The following CAB39L variants were observed in gnomAD, a reference collection of about 807,000 sequenced individuals.
CAB39L encodes the protein calcium-binding protein 39-like.
CAB39L carries 23 observed loss-of-function variants against 39.1 expected under a neutral mutation model. The ratio of observed to expected loss-of-function variants is 0.59; its 90% confidence interval spans 0.42 to 0.83. The LOEUF is 0.83. Among genes scored for constraint, CAB39L ranks in the 40% least tolerant of loss-of-function variants. The pLI, the probability that CAB39L is intolerant of heterozygous loss-of-function variation, is 0.00. For synonymous variants in CAB39L, 126 were observed against 137.2 expected, an observed-to-expected ratio of 0.92 and a Z score of 0.57; for missense variants, 366 against 391.9, an observed-to-expected ratio of 0.93 and a Z score of 0.56.
chr13:49,378,578 G>A (rs1358909129), intron 4 of CAB39L, among the ~76,000 whole-genome samples: 2 of 75,736 alleles, frequency 2.6e-5, no homozygotes, highest in Non-Finnish European at 2.7e-5. Flanking sequence ...CCCCGTCCGG[G>A]AGGGAGGTGG....
chr13:49,374,643 A>T (rs1956009261), intron 5 of CAB39L, among the ~76,000 whole-genome samples: 2 of 152,216 alleles, frequency 1.3e-5, no homozygotes, highest in Admixed American at 6.5e-5. Flanking sequence ...AGCCAATGCC[A>T]AAGAAAGTTA....
chr13:49,429,166 G>T (rs1293589788), intron 3 of CAB39L, among the ~76,000 whole-genome samples: 2 of 152,148 alleles, frequency 1.3e-5, no homozygotes, highest in Non-Finnish European at 2.9e-5. Flanking sequence ...TATGACCATA[G>T]CTCACTGCAG....
intron 5 of CAB39L, among the ~76,000 whole-genome samples, chr13:49,364,140 T>A (rs1043263084): frequency 2.0e-5 from 3 of 152,200 alleles, no homozygotes; most frequent in African/African-American, 7.2e-5. Context: ...TAAATATATA[T>A]GCACCAAACA....
intron 10 of CAB39L, among the ~76,000 whole-genome samples, chr13:49,327,610 C>T (rs1263162617): frequency 6.6e-6 from 1 of 152,184 alleles, no homozygotes; most frequent in East Asian, 1.9e-4. Flanking sequence ...GGATTCCATG[C>T]ATGTTTTTGG....
At chr13:49,396,097 C>CAAAAAAAGAAAA (rs561405018) in intron 3 of CAB39L, among the ~76,000 whole-genome samples, 1 of 123,514 alleles carries the variant, frequency 8.1e-6, no homozygotes, top group Non-Finnish European at 1.7e-5. Flanking sequence ...GACTCTGTCT[C>CAAAAAAAGAAAA]AAAAAAAAAA....
intron 1 of CAB39L, among the ~76,000 whole-genome samples, chr13:49,442,580 T>C (rs1413363758): frequency 6.6e-6 from 1 of 151,932 alleles, no homozygotes; most frequent in Non-Finnish European, 1.5e-5. Context: ...TCATCTAAAG[T>C]CAGGAGTTCA....
chr13:49,345,413 A>G (rs1446425655), intron 7 of CAB39L, among the ~76,000 whole-genome samples: 1 of 152,180 alleles, frequency 6.6e-6, no homozygotes. Flanking sequence ...CACTGGGCCT[A>G]TCAGTGGAAA....
At chr13:49,384,071 T>A (rs1956303897) in intron 3 of CAB39L, among the ~76,000 whole-genome samples, 1 of 152,238 alleles carries the variant, frequency 6.6e-6, no homozygotes, top group Non-Finnish European at 1.5e-5. Flanking sequence ...TAGCATGTGA[T>A]GCAGTTTGTT....
At chr13:49,434,562 A>C (rs1957378285) in intron 1 of CAB39L, among the ~76,000 whole-genome samples, 1 of 152,140 alleles carries the variant, frequency 6.6e-6, no homozygotes, top group African/African-American at 2.4e-5. Context: ...TTTGTCCAAC[A>C]ACTATCAACA....
chr13:49,371,368 T>C (rs1955913569), intron 5 of CAB39L, among the ~76,000 whole-genome samples: 2 of 152,136 alleles, frequency 1.3e-5, no homozygotes, highest in South Asian at 4.1e-4. Flanking sequence ...TTTTGTATTT[T>C]TAGTACAGAT....
intron 1 of CAB39L, among the ~76,000 whole-genome samples, chr13:49,436,711 T>C (rs895376230): frequency 6.6e-6 from 1 of 151,938 alleles, no homozygotes; most frequent in African/African-American, 2.4e-5. Context: ...GATTTTTCTT[T>C]TGATTTATTT....
intron 4 of CAB39L, among the ~76,000 whole-genome samples, chr13:49,380,628 C>T (rs1956234200): frequency 6.6e-6 from 1 of 152,120 alleles, no homozygotes; most frequent in Non-Finnish European, 1.5e-5. Context: ...ATGAATTGTA[C>T]ACTTTAAATA....
rs751815712 is a variant in CAB39L, at chr13:49,310,902, T to C, written c.926A>G (p.Gln309Arg). Reference sequence around the variant, plus strand: ...CTGCTCATCATCCGTCCTTTCTTTTTGGAAGCTGCTCAGAAACTCAATGAG... The same window carrying C: ...CTGCTCATCATCCGTCCTTTCTTTTCGGAAGCTGCTCAGAAACTCAATGAG... Reference protein sequence around the residue: ...PKLIEFLSSFQKERTDDEQFA... With the variant: ...PKLIEFLSSFRKERTDDEQFA... Residue 309 changes from glutamine (Q) to arginine (R), a missense_variant, in exon 11 of 11, where the codon CAA (glutamine) becomes CGA (arginine). Transcript: ENST00000409308. 1 of 1,614,224 alleles carries C rather than the reference T, an allele frequency of 6.2e-7. No homozygotes were observed. Among genetic ancestry groups the C allele is most frequent in the Non-Finnish European group, 8.5e-7 (1 of 1,180,042 alleles).
intron 10 of CAB39L, among the ~76,000 whole-genome samples, chr13:49,329,534 T>TAA (rs777940622): frequency 0.017 from 287 of 17,374 alleles, 24 homozygotes; most frequent in Admixed American, 0.034. Context: ...TCTCTTCAAT[T>TAA]AAAAAAAAAA....
chr13:49,389,947 C>T (rs1208192641), intron 3 of CAB39L, among the ~76,000 whole-genome samples: 1 of 152,134 alleles, frequency 6.6e-6, no homozygotes, highest in Non-Finnish European at 1.5e-5. Flanking sequence ...CTCAGCCTCC[C>T]AAGTAGCTGG....
chr13:49,335,993 T>C (rs530477831), intron 9 of CAB39L, among the ~76,000 whole-genome samples: 30 of 152,160 alleles, frequency 2.0e-4, no homozygotes, highest in Non-Finnish European at 4.4e-4. Flanking sequence ...GAAACATCTA[T>C]GTAAAAAGTA....
intron 10 of CAB39L, among the ~76,000 whole-genome samples, chr13:49,315,667 A>G (rs1954135109): frequency 6.6e-6 from 1 of 152,146 alleles, no homozygotes; most frequent in East Asian, 1.9e-4. Flanking sequence ...CGGGCGGATC[A>G]TGAAGTCAGG....
At chr13:49,412,259 A>C (rs1421075637) in intron 3 of CAB39L, among the ~76,000 whole-genome samples, 1 of 152,196 alleles carries the variant, frequency 6.6e-6, no homozygotes, top group African/African-American at 2.4e-5. Flanking sequence ...ACATAAACAA[A>C]TCAGAATTTA....
intron 3 of CAB39L, among the ~76,000 whole-genome samples, chr13:49,418,705 G>GGGATTACAA (rs934001128): frequency 6.6e-6 from 1 of 152,080 alleles, no homozygotes; most frequent in Non-Finnish European, 1.5e-5. Flanking sequence ...TGGGATTACA[G>GGGATTACAA]GCATGTGCAA....
Sources: gnomAD v4.1 joint callset for allele counts (sites outside exome capture counted in the v4.1 genomes callset) on GRCh38, gnomAD v4.1.1 for gene constraint, MANE v1.5 for transcripts, NCBI Gene and HGNC (gene_info 2026-07-23, HGNC 2026-07-21) for gene names.